The following GRID1 variants were observed in gnomAD, a reference collection of about 807,000 sequenced individuals.
GRID1 encodes the protein glutamate receptor ionotropic, delta-1.
GRID1 carries 28 observed loss-of-function variants against 98.0 expected under a neutral mutation model. The observed-to-expected ratio is 0.29, with a 90% confidence interval of 0.21 to 0.39. GRID1 has a LOEUF of 0.39. Ranked by LOEUF, GRID1 falls within the 10% of genes least tolerant of loss-of-function variation. The pLI, the probability that GRID1 is intolerant of heterozygous loss-of-function variation, is 1.00. For missense variants in GRID1, 1,111 were observed against 1,340.5 expected (o/e 0.83, Z 2.67); for synonymous variants, 553 against 538.5 (o/e 1.03, Z -0.37).
intron 2 of GRID1, among the ~76,000 whole-genome samples, chr10:86,208,484 TC>T (rs2132021291): frequency 6.6e-6 from 1 of 152,210 alleles, no homozygotes; most frequent in Non-Finnish European, 1.5e-5. Context: ...ACCTGCAGCC[TC>T]ATGCTCCTCA....
intron 2 of GRID1, among the ~76,000 whole-genome samples, chr10:86,263,300 C>T (rs1259793890): frequency 2.6e-5 from 4 of 152,268 alleles, no homozygotes; most frequent in African/African-American, 7.2e-5. Flanking sequence ...CTTCGCGCCA[C>T]GGCGCGCAAC....
intron 4 of GRID1, among the ~76,000 whole-genome samples, chr10:86,012,835 C>T (rs1842936232): frequency 6.6e-6 from 1 of 152,200 alleles, no homozygotes; most frequent in African/African-American, 2.4e-5. Flanking sequence ...GGACTTCAGT[C>T]TCCAGAACTG....
At chr10:86,247,757 C>T (rs554857722) in intron 2 of GRID1, among the ~76,000 whole-genome samples, 8 of 152,246 alleles carry the variant, frequency 5.3e-5, no homozygotes, top group South Asian at 4.1e-4. Flanking sequence ...AGACTGGCAC[C>T]GGCTGGGCCC....
chr10:86,250,220 G>A (rs1846798941), intron 2 of GRID1, among the ~76,000 whole-genome samples: 1 of 152,184 alleles, frequency 6.6e-6, no homozygotes, highest in Non-Finnish European at 1.5e-5. Flanking sequence ...CCTCCAGACT[G>A]GGAATAGGGC....
chr10:85,807,540 G>A (rs192071718), intron 8 of GRID1, among the ~76,000 whole-genome samples: 1 of 151,282 alleles, frequency 6.6e-6, no homozygotes, highest in Admixed American at 6.6e-5. Context: ...CAGTTAGAAA[G>A]AGATAAATAT....
At chr10:85,982,484 C>A (rs1332775040) in intron 4 of GRID1, among the ~76,000 whole-genome samples, 1 of 152,140 alleles carries the variant, frequency 6.6e-6, no homozygotes, top group African/African-American at 2.4e-5. Flanking sequence ...CCCGAGGACG[C>A]CTGTGGCCAT....
At chr10:86,011,239 G>C (rs1842920672) in intron 4 of GRID1, among the ~76,000 whole-genome samples, 1 of 152,122 alleles carries the variant, frequency 6.6e-6, no homozygotes. Context: ...TTTTTGCAGT[G>C]ACGAAATAAC....
At chr10:85,931,046 C>T (rs1413637372) in intron 4 of GRID1, among the ~76,000 whole-genome samples, 1 of 152,042 alleles carries the variant, frequency 6.6e-6, no homozygotes, top group African/African-American at 2.4e-5. Context: ...TGCCATGTTG[C>T]CCAGGCTGGT....
chr10:86,317,368 T>G (rs2132092553), intron 2 of GRID1, among the ~76,000 whole-genome samples: 1 of 152,274 alleles, frequency 6.6e-6, no homozygotes, highest in South Asian at 2.1e-4. Flanking sequence ...TGTGAGTGGG[T>G]GTTCTGTGGA....
chr10:85,728,375 GCTAGGA>G (rs972954724), intron 9 of GRID1, among the ~76,000 whole-genome samples: 1 of 152,124 alleles, frequency 6.6e-6, no homozygotes, highest in Non-Finnish European at 1.5e-5. Flanking sequence ...TCCATGCAGA[GCTAGGA>G]CTGTATCCTT....
chr10:85,811,023 T>C (rs1371412670), intron 8 of GRID1, among the ~76,000 whole-genome samples: 1 of 152,162 alleles, frequency 6.6e-6, no homozygotes, highest in Non-Finnish European at 1.5e-5. Context: ...ACTGTGTTCA[T>C]GCATACACCC....
chr10:85,739,515 T>C (rs1484475473), intron 8 of GRID1, among the ~76,000 whole-genome samples: 1 of 152,006 alleles, frequency 6.6e-6, no homozygotes, highest in East Asian at 1.9e-4. Context: ...AGCCCAGGAG[T>C]TCCAGTCTGC....
At chr10:85,736,304 G>C (rs117089149) in intron 8 of GRID1, among the ~76,000 whole-genome samples, 4,980 of 151,492 alleles carry the variant, frequency 0.033, 128 homozygotes, top group Middle Eastern at 0.048. Context: ...GAAAGAGAGG[G>C]AGAGAAGGAA....
At chr10:85,654,601 G>A (rs948603140) in intron 12 of GRID1, among the ~76,000 whole-genome samples, 1 of 152,140 alleles carries the variant, frequency 6.6e-6, no homozygotes, top group Admixed American at 6.5e-5. Flanking sequence ...GATCCATTGA[G>A]AGGCAGGAGG....
chr10:86,341,226 T>C (rs1187540469), intron 2 of GRID1, among the ~76,000 whole-genome samples: 2 of 151,922 alleles, frequency 1.3e-5, no homozygotes, highest in Non-Finnish European at 2.9e-5. Context: ...TTCAACTTAG[T>C]CCCCTAAAAC....
At chr10:85,961,090 G>A (rs1842260757) in intron 4 of GRID1, among the ~76,000 whole-genome samples, 1 of 152,078 alleles carries the variant, frequency 6.6e-6, no homozygotes, top group Non-Finnish European at 1.5e-5. Context: ...TTGTTGAATG[G>A]CAGTACATCC....
chr10:86,062,881 C>A (rs1264640339), intron 4 of GRID1, among the ~76,000 whole-genome samples: 11 of 152,240 alleles, frequency 7.2e-5, no homozygotes, highest in Non-Finnish European at 1.6e-4. Flanking sequence ...CACTGGGGCC[C>A]AAAGCTTTCC....
intron 3 of GRID1, among the ~76,000 whole-genome samples, chr10:86,147,015 T>A (rs68144202): frequency 6.6e-6 from 1 of 152,194 alleles, no homozygotes; most frequent in African/African-American, 2.4e-5. Flanking sequence ...TCCCCCATCA[T>A]AGGGTGACAA....
At chr10:85,621,602 C>T (rs1054975264) in intron 13 of GRID1, among the ~76,000 whole-genome samples, 3 of 152,130 alleles carry the variant, frequency 2.0e-5, no homozygotes, top group Non-Finnish European at 4.4e-5. Flanking sequence ...TGCCCAACGA[C>T]CTTGTAAGAA....
Sources: allele counts gnomAD v4.1 joint callset (sites outside exome capture counted in the v4.1 genomes callset), GRCh38; gene constraint gnomAD v4.1.1; transcripts MANE v1.5; gene names NCBI Gene and HGNC (gene_info 2026-07-23, HGNC 2026-07-21).